The following KAZN variants were observed in gnomAD, a reference collection of about 807,000 sequenced individuals.
KAZN encodes the protein kazrin.
Under a neutral mutation model 87.4 loss-of-function variants are expected in KAZN, and 40 were observed. The observed-to-expected ratio is 0.46, with a 90% CI of 0.36 to 0.60. The LOEUF is 0.60. KAZN is among the 20% of genes least tolerant of loss of function. The pLI is 0.00. For missense variants in KAZN, 898 were observed against 1,073.9 expected (o/e 0.84, Z 2.29); for synonymous variants, 466 against 458.3 (o/e 1.02, Z -0.22).
chr1:14,476,717 G>A (rs975420924), intron 2 of KAZN, among the ~76,000 whole-genome samples: 5 of 152,174 alleles, frequency 3.3e-5, no homozygotes, highest in Non-Finnish European at 5.9e-5. Context: ...CATCCCCCTC[G>A]TAGAGGGAAG....
At chr1:15,010,817 A>G (rs952758219) in intron 2 of KAZN, among the ~76,000 whole-genome samples, 2 of 152,208 alleles carry the variant, frequency 1.3e-5, no homozygotes, top group Non-Finnish European at 2.9e-5. Context: ...GAACCCTTCC[A>G]TAAACAGACC....
In KAZN at chr1:14,742,889, G is replaced by A. The variant is rs7516004; in HGVS notation, c.226+143666G>A. On this transcript the variant is annotated intron_variant, in intron 1 of 14. Coordinates refer to ENST00000376030, the MANE Select transcript of KAZN (RefSeq NM_201628.3). ...TGCCTGGATTGTACAAGCACCCACGGCTCAGAGACGGAGACTTCCTCCTCT... is the reference window on the plus strand; with the variant it reads ...TGCCTGGATTGTACAAGCACCCACGACTCAGAGACGGAGACTTCCTCCTCT... Among the ~76,000 whole-genome samples, 598 of 152,300 alleles carry A rather than the reference G, an allele frequency of 3.9e-3. 7 individuals are homozygous for A. Among genetic ancestry groups the A allele is most frequent in the African/African-American group, 0.013 (525 of 41,558 alleles).
Position 14,965,051 on chromosome 1 carries a change from GAC to G in KAZN, c.418+4178_418+4179del, listed in dbSNP as rs904807169. 2.8e-4 allele frequency among the ~76,000 whole-genome samples: 42 copies of G among 148,730 alleles called. 1 individual carries two copies. The highest frequency in any genetic ancestry group is 3.4e-3 in the Middle Eastern group (1 of 292). ...ATATTTTTTTCTTTTTTTTTTTTGA[GAC>G]AGAGTCTCACTCTGTCATCCAGGCT... On this transcript the variant is annotated intron_variant, in intron 2 of 14. Coordinates refer to ENST00000376030, the MANE Select transcript of KAZN (RefSeq NM_201628.3).
In KAZN at chr1:15,094,473, C is replaced by T. The variant is rs189152550; in HGVS notation, c.1428+88C>T. ...GAAGCTGGCCTGCCCCCCACTCCTA[C>T]CCTGGAGTCAGGAGAAGGTGCAATC... On this transcript the variant is annotated intron_variant, in intron 9 of 14. Coordinates refer to ENST00000376030, the MANE Select transcript of KAZN (RefSeq NM_201628.3). This position sits in a 1 kb window ranked among gnomAD's most constrained non-coding sequence, Gnocchi z 4.5. The T allele has an allele frequency of 2.5e-4, 306 of 1,240,806 alleles. No homozygotes were observed. In the African/African-American group the frequency reaches 4.2e-3, roughly 17 times the overall value. The allele number at this position is 1,240,806 out of a possible 1,614,324, so 76.9% of individuals were successfully genotyped here.
At chr1:14,021,496 C>CA (rs1640823705) in intron 1 of KAZN, among the ~76,000 whole-genome samples, 1 of 152,156 alleles carries the variant, frequency 6.6e-6, no homozygotes, top group East Asian at 1.9e-4. Context: ...TGGTGTGTGT[C>CA]AAAATCCCCT....
chr1:13,982,785 G>T (rs1013673336), intron 1 of KAZN, among the ~76,000 whole-genome samples: 1 of 152,076 alleles, frequency 6.6e-6, no homozygotes, highest in Non-Finnish European at 1.5e-5. Context: ...GTGTCCACTG[G>T]TGCACTCACA....
At chr1:14,912,923 G>C (rs1420570461) in intron 1 of KAZN, among the ~76,000 whole-genome samples, 1 of 152,112 alleles carries the variant, frequency 6.6e-6, no homozygotes, top group East Asian at 1.9e-4. Flanking sequence ...TTCTCTCATA[G>C]GGCAGGTGGG....
chr1:14,565,475 T>TGCTGCTGGTG (rs1421619104), intron 2 of KAZN, among the ~76,000 whole-genome samples: 5 of 152,240 alleles, frequency 3.3e-5, no homozygotes, highest in Non-Finnish European at 7.3e-5. Context: ...CTTGCCTCAA[T>TGCTGCTGGTG]GCTGATGGTG....
chr1:14,560,498 A>C (rs1674181004), intron 2 of KAZN, among the ~76,000 whole-genome samples: 1 of 152,166 alleles, frequency 6.6e-6, no homozygotes, highest in African/African-American at 2.4e-5. Context: ...GAATTGCTTG[A>C]ACCCAGGAAG....
At chr1:14,093,683 A>C (rs556285490) in intron 1 of KAZN, among the ~76,000 whole-genome samples, 1 of 152,192 alleles carries the variant, frequency 6.6e-6, no homozygotes, top group Admixed American at 6.5e-5. Context: ...AAAACTGACA[A>C]TAGACAGTTT....
intron 2 of KAZN, among the ~76,000 whole-genome samples, chr1:15,032,131 G>A (rs1399601211): frequency 6.7e-6 from 1 of 148,560 alleles, no homozygotes; most frequent in Non-Finnish European, 1.5e-5. Context: ...GCCCGAGGCA[G>A]ACGCTTATCT....
At chr1:14,247,018 A>G (rs987339644) in intron 2 of KAZN, among the ~76,000 whole-genome samples, 2 of 152,026 alleles carry the variant, frequency 1.3e-5, no homozygotes, top group Non-Finnish European at 2.9e-5. Context: ...GAAGCTTCCA[A>G]TTTTGTTCAC....
chr1:15,011,624 C>G (rs1249362968), intron 2 of KAZN, among the ~76,000 whole-genome samples: 1 of 152,174 alleles, frequency 6.6e-6, no homozygotes, highest in Non-Finnish European at 1.5e-5. Flanking sequence ...GTTTTTGTTT[C>G]TGTGCTAGCA....
chr1:14,070,950 A>G (rs552943710), intron 1 of KAZN, among the ~76,000 whole-genome samples: 55 of 152,270 alleles, frequency 3.6e-4, no homozygotes, highest in African/African-American at 1.3e-3. Flanking sequence ...AAAGCTGCCC[A>G]TGGTGTCATA....
At chr1:14,555,385 T>C (rs893161804) in intron 2 of KAZN, among the ~76,000 whole-genome samples, 3 of 152,230 alleles carry the variant, frequency 2.0e-5, no homozygotes, top group Non-Finnish European at 4.4e-5. Context: ...ATTTGTCCAG[T>C]AAAAGGCATA....
intron 2 of KAZN, among the ~76,000 whole-genome samples, chr1:14,548,795 C>T (rs115592097): frequency 2.9e-4 from 44 of 151,924 alleles, no homozygotes; most frequent in Middle Eastern, 6.8e-3. Context: ...AACATTCTTT[C>T]GTTGTCTGCA....
chr1:13,936,285 A>G (rs140848230), intron 1 of KAZN, among the ~76,000 whole-genome samples: 1,762 of 151,192 alleles, frequency 0.012, 37 homozygotes, highest in African/African-American at 0.04. Context: ...TATATTTAGT[A>G]GAGACAGAGT....
chr1:14,622,204 G>A (rs559228550), intron 1 of KAZN, among the ~76,000 whole-genome samples: 2 of 152,258 alleles, frequency 1.3e-5, no homozygotes, highest in East Asian at 1.9e-4. Context: ...AATGTTGACC[G>A]ATCCAAAGTC....
chr1:14,353,533 T>C (rs1658741195), intron 2 of KAZN, among the ~76,000 whole-genome samples: 2 of 152,202 alleles, frequency 1.3e-5, no homozygotes, highest in Admixed American at 6.5e-5. Context: ...TCACTTTCTA[T>C]GTAGAAAACT....
Sources: gnomAD v4.1 joint callset for allele counts (sites outside exome capture counted in the v4.1 genomes callset) on GRCh38, gnomAD v4.1.1 for gene constraint, Gnocchi (gnomAD v3.1) non-coding constraint, MANE v1.5 for transcripts, NCBI Gene and HGNC (gene_info 2026-07-23, HGNC 2026-07-21) for gene names.